The following KRT72 variants were observed in gnomAD, a reference collection of about 807,000 sequenced individuals.
KRT72 encodes keratin, type II cytoskeletal 72.
In KRT72, 44 loss-of-function variants were observed where a neutral mutation model predicts 44.7. The ratio of observed to expected loss-of-function variants is 0.98; its 90% CI spans 0.77 to 1.27. The LOEUF (loss-of-function observed/expected upper bound fraction) is 1.27, where lower values mean the gene tolerates loss of function less well. Ranked by LOEUF, KRT72 falls within the 50% of genes most tolerant of loss-of-function variation. The probability of loss-of-function intolerance (pLI) is 0.00; values close to 1 mark genes in which losing one functional copy is unlikely to be tolerated. For missense variants in KRT72, 736 were observed against 667.1 expected (o/e 1.10, Z -1.14); for synonymous variants, 302 against 280.4 (o/e 1.08, Z -0.77).
chr12:52,601,249 G>A lies in KRT72; in HGVS notation c.204C>T (p.Gly68=), dbSNP rs1318944322. Residue 68 remains glycine, a synonymous_variant, in exon 1 of 9, where the codon GGC becomes GGT. Transcript: ENST00000293745. ...LALSAAARRG[G]GRLGGFVGTA... is the part of the protein sequence containing the mutation. Reference sequence around the variant, plus strand: ...TGCCCACGAAGCCGCCCAGGCGGCCGCCGCCCCGCCGTGCAGCAGCGCTGA... The same window carrying A: ...TGCCCACGAAGCCGCCCAGGCGGCCACCGCCCCGCCGTGCAGCAGCGCTGA... The A allele has an allele frequency of 1.3e-6, 2 of 1,565,150 alleles. No homozygotes were observed. Among genetic ancestry groups the A allele is most frequent in the East Asian group, 2.4e-5 (1 of 42,324 alleles).
chr12:52,599,196 A>G (rs992826893), intron 1 of KRT72, 84 bp from the exon 2 acceptor site: 37 of 1,355,394 alleles, frequency 2.7e-5, no homozygotes, highest in Non-Finnish European at 3.9e-5. Context: ...AACCAGAGGC[A>G]GCCATCCTGG....
At chr12:52,590,060 G>T (rs1025663430) in intron 6 of KRT72, among the ~76,000 whole-genome samples, 2 of 152,274 alleles carry the variant, frequency 1.3e-5, no homozygotes, top group Admixed American at 1.3e-4. Flanking sequence ...ATGGGGTGCA[G>T]GGGAGGGTAA....
At position 52,601,265 on chromosome 12, in the gene KRT72, G is replaced by A. The variant is rs1194035387; in HGVS notation, c.188C>T (p.Ala63Val). 1.9e-6 allele frequency: 3 copies of A among 1,557,458 alleles called. No individual in the cohort carries two copies. Among genetic ancestry groups the A allele is most frequent in the South Asian group, 2.3e-5 (2 of 85,582 alleles). ...CAGGCGGCCGCCGCCCCGCCGTGCA[G>A]CAGCGCTGAGCGCCAGGCTTCGGCT... is the stretch of plus-strand genomic sequence containing the variant. ...GGSRSLALSA[A>V]ARRGGGRLGG... Residue 63 changes from alanine to valine, a missense_variant, in exon 1 of 9, where the codon GCT becomes GTT. Coordinates refer to ENST00000293745, the MANE Select transcript of KRT72 (RefSeq NM_080747.3).
chr12:52,591,593 C>T lies in KRT72; in HGVS notation c.834G>A (p.Thr278=), dbSNP rs201887205. Residue 278 remains threonine (T), a synonymous_variant, in exon 5 of 9, where the codon ACG becomes ACA. Transcript: ENST00000293745. ...TGTTGTCCATTGACAGGACGATGGA[C>T]GTGTCGCTGATGTGGGACTGGATCT... ...ITQIQSHISD[T]SIVLSMDNNR... 2.9e-5 allele frequency: 46 copies of T among 1,613,676 alleles called. No homozygotes were observed. The African/African-American group carries it at 3.2e-4, about 11-fold the overall frequency.
At chr12:52,599,930 G>A (rs113570615) in intron 1 of KRT72, among the ~76,000 whole-genome samples, 2 of 147,890 alleles carry the variant, frequency 1.4e-5, no homozygotes, top group African/African-American at 2.5e-5. Context: ...GATTGTAAAT[G>A]AGAATCACTT....
At position 52,585,785 on chromosome 12, in the gene KRT72, G is replaced by T; in HGVS notation, c.*197C>A. The T allele has an allele frequency of 1.7e-6, 1 of 575,232 alleles. No individual in the cohort carries two copies. Among genetic ancestry groups the T allele is most frequent in the Non-Finnish European group, 3.1e-6 (1 of 324,102 alleles). The allele number at this position is 575,232 out of a possible 1,614,324, so 35.6% of individuals were successfully genotyped here. ...GACCCAACGAAACGGGACCAAGAAGGAGGCCACTGAGAGAGCTCCTGACTG... is the reference window on the plus strand; with the variant it reads ...GACCCAACGAAACGGGACCAAGAAGTAGGCCACTGAGAGAGCTCCTGACTG... On this transcript the variant is annotated 3_prime_UTR_variant, in exon 9 of 9. Transcript: ENST00000293745.
Position 52,591,513 on chromosome 12 carries a change from T to A in KRT72, c.914A>T (p.Glu305Val), listed in dbSNP as rs776549204. The A allele has an allele frequency of 6.2e-7, 1 of 1,613,996 alleles. No homozygotes were observed. The highest frequency in any genetic ancestry group is 1.3e-5 in the African/African-American group (1 of 74,934). Residue 305 changes from glutamate to valine, a missense_variant, in exon 5 of 9, where the codon GAG becomes GTG. Glu to Val is a moderately radical substitution (Grantham distance 121). Coordinates refer to ENST00000293745, the MANE Select transcript of KRT72 (RefSeq NM_080747.3). ...CTCGGCCTTGCTCTTTAGGGCAATC[T>A]CCTCGTACTGGGCACGGACCTCGGC... Reference protein sequence around the residue: ...IIAEVRAQYEEIALKSKAEAE... With the variant: ...IIAEVRAQYEVIALKSKAEAE...
intron 1 of KRT72, among the ~76,000 whole-genome samples, chr12:52,600,278 C>A (rs929054524): frequency 6.6e-6 from 1 of 152,206 alleles, no homozygotes; most frequent in African/African-American, 2.4e-5. Context: ...TGTCCTGCAA[C>A]GTCTCTTGGC....
In KRT72 at chr12:52,591,504, A is replaced by G; in HGVS notation, c.923T>C (p.Leu308Pro). 6.2e-7 allele frequency: 1 copy of G among 1,614,002 alleles called. No individual in the cohort carries two copies. Among genetic ancestry groups the G allele is most frequent in the Non-Finnish European group, 8.5e-7 (1 of 1,179,950 alleles). The part of the protein sequence containing the change: ...EVRAQYEEIA[L>P]KSKAEAETLY... ...GGTCTCAGCCTCGGCCTTGCTCTTTAGGGCAATCTCCTCGTACTGGGCACG... is the reference window on the plus strand; with the variant it reads ...GGTCTCAGCCTCGGCCTTGCTCTTTGGGGCAATCTCCTCGTACTGGGCACG... The change falls in exon 5 of 9, where the codon CTA (leucine) becomes CCA (proline). Residue 308 changes from leucine to proline, a missense_variant. Coordinates refer to ENST00000293745, the MANE Select transcript of KRT72 (RefSeq NM_080747.3).
intron 2 of KRT72, among the ~76,000 whole-genome samples, chr12:52,597,704 A>G (rs780961293): frequency 1.6e-4 from 25 of 152,248 alleles, no homozygotes; most frequent in Non-Finnish European, 2.9e-4. Flanking sequence ...ACATAGGGAA[A>G]ACAATGCCTT....
rs11170187 is a variant in KRT72 at position 52,599,028 on chromosome 12, T to C, written c.511A>G (p.Asn171Asp). Residue 171 changes from asparagine (N) to aspartate (D), a missense_variant, in exon 2 of 9, where the codon AAC becomes GAC. By Grantham distance (23) the Asn-to-Asp change is conservative (BLOSUM62 1). Transcript: ENST00000293745. ...TAGCCCTCATAAATGGGCTCCAGGT[T>C]CTTCCTGCAGTTGTTCAAGTCCAGC... ...QQLDLNNCRK[N>D]LEPIYEGYIS... 618,858 of 1,613,738 alleles carry C rather than the reference T, an allele frequency of 0.38. 122,575 individuals carry two copies. The highest frequency in any genetic ancestry group is 0.56 in the East Asian group (25,312 of 44,862).
upstream of KRT72, chr12:52,601,638 C>CA (rs1940469466): frequency 8.3e-6 from 5 of 605,244 alleles, no homozygotes; most frequent in Non-Finnish European, 1.1e-5. Context: ...ACCATGCACT[C>CA]ACCGAGATTT....
intron 7 of KRT72, 82 bp downstream of exon 7, chr12:52,587,538 TAGGACCTAAAC>T (rs994392882): frequency 7.5e-7 from 1 of 1,333,658 alleles, no homozygotes; most frequent in Non-Finnish European, 1.1e-6. Context: ...TTTACTTCAG[TAGGACCTAAAC>T]AGGACCAAAC....
chr12:52,587,068 C>T lies in KRT72; in HGVS notation c.1311-88G>A, dbSNP rs192539689. 2.1e-4 allele frequency: 268 copies of T among 1,268,594 alleles called. No individual in the cohort carries two copies. The African/African-American group carries it at 2.9e-3, about 14-fold the overall frequency. 78.6% of individuals were successfully genotyped at this position (1,268,594 alleles called of 1,614,324 possible). ...TCACCTCTGTGAATAAGCCTCTCCA[C>T]GCAGAATGTGCCTTCCCAAACCCAT... On this transcript the variant is annotated intron_variant, in intron 7 of 8. Transcript: ENST00000293745.
rs74572393 is a variant in KRT72, at chr12:52,592,487, A to G, written c.707T>C (p.Val236Ala). Residue 236 changes from valine (V) to alanine (A), a missense_variant, in exon 4 of 9, where the codon GTG becomes GCG. Coordinates refer to ENST00000293745, the MANE Select transcript of KRT72 (RefSeq NM_080747.3). ...ENEFVVLKKD[V>A]DAAYMNKVEL... ...AACCTTATTCATGTAAGCAGCATCC[A>G]CGTCCTGGGAGCACATGATAGTCAA... 96 of 1,613,816 alleles carry G rather than the reference A, an allele frequency of 5.9e-5. No individual in the cohort carries two copies. In the African/African-American group the frequency reaches 1.2e-3, roughly 20 times the overall value.
chr12:52,598,502 C>A (rs1452754423), intron 2 of KRT72, among the ~76,000 whole-genome samples: 1 of 152,198 alleles, frequency 6.6e-6, no homozygotes. Flanking sequence ...GATTCAGCAG[C>A]ACAGCCATGA....
rs867251979 is a variant in KRT72, at chr12:52,587,623, C to T, written c.1310+8G>A. On this transcript the variant is annotated splice_region_variant and intron_variant, in intron 7 of 8. Transcript: ENST00000293745. ...CTGGTCCCGACACAAGGGTATCCGG[C>T]CCCTCACCTGCACTCCTCGCTCTCC... 2.5e-6 allele frequency: 4 copies of T among 1,613,978 alleles called. No homozygotes were observed. The Middle Eastern group carries it at 6.6e-4, about 266-fold the overall frequency.
chr12:52,591,114 C>T (rs1307836120), intron 5 of KRT72, among the ~76,000 whole-genome samples, 153 bp from the exon 6 acceptor site: 2 of 152,170 alleles, frequency 1.3e-5, no homozygotes, highest in African/African-American at 4.8e-5. Context: ...ATTTCCTATC[C>T]TCATTTTGCC....
rs1939977595 is a variant in KRT72, at chr12:52,590,830, A to C, written c.1089+6T>G. ...ACTGTTAGTGGATTAATTTCATAGA[A>C]CCCACCTGCTTCTTCACATTCCCTA... On this transcript the variant is annotated splice_donor_region_variant and intron_variant, in intron 6 of 8. Transcript: ENST00000293745. The C allele has an allele frequency of 6.4e-7, 1 of 1,568,180 alleles. No individual in the cohort carries two copies. Among genetic ancestry groups the C allele is most frequent in the East Asian group, 2.3e-5 (1 of 43,998 alleles).
Sources: allele counts gnomAD v4.1 joint callset (sites outside exome capture counted in the v4.1 genomes callset), GRCh38; gene constraint gnomAD v4.1.1; transcripts MANE v1.5; gene names NCBI Gene and HGNC (gene_info 2026-07-23, HGNC 2026-07-21).